The following NECAB1 variants were observed in gnomAD, a reference collection of about 807,000 sequenced individuals.
NECAB1 encodes N-terminal EF-hand calcium binding protein 1, also known as N-terminal EF-hand calcium-binding protein 1.
NECAB1 carries 29 observed loss-of-function variants against 57.5 expected under a neutral mutation model. The ratio of observed to expected loss-of-function variants is 0.50; its 90% CI spans 0.38 to 0.69. The LOEUF (loss-of-function observed/expected upper bound fraction) is 0.69. NECAB1 is among the 30% of genes least tolerant of loss of function. The probability of loss-of-function intolerance (pLI) is 0.00; values close to 1 mark genes in which losing one functional copy is unlikely to be tolerated. For missense variants in NECAB1, 372 were observed against 413.8 expected, an observed-to-expected ratio of 0.90 and a Z score of 0.88; for synonymous variants, 142 against 147.7, an observed-to-expected ratio of 0.96 and a Z score of 0.28.
At chr8:90,817,875 G>A (rs1812083903) in intron 2 of NECAB1, among the ~76,000 whole-genome samples, 1 of 151,748 alleles carries the variant, frequency 6.6e-6, no homozygotes, top group African/African-American at 2.4e-5. Flanking sequence ...AAAGATTATG[G>A]AGAATTGCTA....
intron 3 of NECAB1, among the ~76,000 whole-genome samples, chr8:90,846,461 G>A (rs7838907): frequency 5.9e-5 from 9 of 152,166 alleles, no homozygotes; most frequent in African/African-American, 1.4e-4. Flanking sequence ...CTTGATCTCT[G>A]TTTAGATAAA....
chr8:90,917,106 C>T (rs1028273337), intron 5 of NECAB1, among the ~76,000 whole-genome samples: 5 of 152,084 alleles, frequency 3.3e-5, no homozygotes, highest in African/African-American at 9.7e-5. Flanking sequence ...TATATGATGG[C>T]GTGGTCAACA....
chr8:90,930,855 A>G (rs1439614874), intron 8 of NECAB1, among the ~76,000 whole-genome samples: 1 of 152,228 alleles, frequency 6.6e-6, no homozygotes, highest in Non-Finnish European at 1.5e-5. Flanking sequence ...TTTGCAAACT[A>G]AAGCTTGTTA....
At chr8:90,845,407 C>G (rs1399192954) in intron 3 of NECAB1, among the ~76,000 whole-genome samples, 1 of 152,050 alleles carries the variant, frequency 6.6e-6, no homozygotes, top group African/African-American at 2.4e-5. Flanking sequence ...TTTAAAATAC[C>G]TAGCATGCAT....
rs1811742941 is a variant in NECAB1 at position 90,800,536 on chromosome 8, G to T, written c.100-1155G>T. On this transcript the variant is annotated intron_variant, in intron 1 of 12. Transcript: ENST00000417640. ...GTTCAGAGTTTTTATCATGAAGGAA[G>T]GTTGGATTTTATCAAAGTCTTTTCC... Among the ~76,000 whole-genome samples the T allele has an allele frequency of 2.0e-5, 3 of 152,138 alleles. No homozygotes were observed. The South Asian group carries it at 6.2e-4, about 32-fold the overall frequency.
chr8:90,794,974 A>G (rs754631797), intron 1 of NECAB1, among the ~76,000 whole-genome samples: 8 of 152,358 alleles, frequency 5.3e-5, no homozygotes. Flanking sequence ...GTGCCAAGGT[A>G]TGCCAGTGCA....
intron 2 of NECAB1, 104 bp downstream of exon 2, chr8:90,801,819 TAA>T (rs1811763500): frequency 1.3e-6 from 1 of 755,190 alleles, no homozygotes; most frequent in Non-Finnish European, 2.1e-6. Flanking sequence ...AAATTACATA[TAA>T]AATACTACCT....
At chr8:90,953,757 T>A (rs1810962701) in intron 12 of NECAB1, among the ~76,000 whole-genome samples, 1 of 152,092 alleles carries the variant, frequency 6.6e-6, no homozygotes, top group Admixed American at 6.6e-5. Flanking sequence ...TGTGTTATAA[T>A]GGTTATGAAG....
chr8:90,815,535 T>G (rs1311362975), intron 2 of NECAB1, among the ~76,000 whole-genome samples: 1 of 152,036 alleles, frequency 6.6e-6, no homozygotes, highest in Admixed American at 6.6e-5. Flanking sequence ...CCTCTGTTCT[T>G]GTCCTATTCA....
At chr8:90,950,498 TC>T (rs965541193) in intron 11 of NECAB1, among the ~76,000 whole-genome samples, 19 of 152,292 alleles carry the variant, frequency 1.2e-4, no homozygotes, top group Admixed American at 1.2e-3. Context: ...ATATAACAAT[TC>T]CTGACAGTTT....
intron 5 of NECAB1, among the ~76,000 whole-genome samples, chr8:90,896,769 C>T (rs538678203): frequency 1.9e-4 from 29 of 152,272 alleles, no homozygotes; most frequent in African/African-American, 6.5e-4. Context: ...TCCACCCTGA[C>T]TCATTCCGAT....
chr8:90,818,432 C>T (rs1269619653), intron 2 of NECAB1, among the ~76,000 whole-genome samples: 1 of 151,982 alleles, frequency 6.6e-6, no homozygotes. Context: ...CAATTCTGCT[C>T]ACAATTAATT....
intron 5 of NECAB1, among the ~76,000 whole-genome samples, chr8:90,896,431 C>G (rs1281536556): frequency 6.6e-6 from 1 of 151,858 alleles, no homozygotes; most frequent in Admixed American, 6.6e-5. Flanking sequence ...GGTGAAACCC[C>G]GTCTCTACTA....
intron 12 of NECAB1, among the ~76,000 whole-genome samples, chr8:90,951,838 G>A (rs893273360): frequency 4.6e-5 from 7 of 152,064 alleles, no homozygotes; most frequent in African/African-American, 1.4e-4. Context: ...TGGACTTGGA[G>A]AAGTGATTAC....
chr8:90,821,775 A>G lies in NECAB1; in HGVS notation c.125-2942A>G, dbSNP rs115392984. ...GTGTCATAATTATAAGATCCATAAAAGCTTGTCTACCTATGTTCTTAATAC... is the reference window on the plus strand; with the variant it reads ...GTGTCATAATTATAAGATCCATAAAGGCTTGTCTACCTATGTTCTTAATAC... On this transcript the variant is annotated intron_variant, in intron 2 of 12. Transcript: ENST00000417640. Among the ~76,000 whole-genome samples the G allele has an allele frequency of 3.8e-3, 572 of 151,910 alleles. 7 individuals carry two copies. Among genetic ancestry groups the G allele is most frequent in the African/African-American group, 0.012 (506 of 41,494 alleles).
Position 90,826,535 on chromosome 8 carries a change from C to T in NECAB1, c.233+1710C>T, listed in dbSNP as rs111593437. Among the ~76,000 whole-genome samples, 9 of 151,966 alleles carry T rather than the reference C, an allele frequency of 5.9e-5. 1 individual carries two copies. The highest frequency in any genetic ancestry group is 1.7e-4 in the African/African-American group (7 of 41,518). The stretch of plus-strand genomic sequence containing the variant: ...AATAAAAGAGCAGAGGCTCCCCTTG[C>T]GGCTTAGGTGTTGGACGTTGAGATG... On this transcript the variant is annotated intron_variant, in intron 3 of 12. Transcript: ENST00000417640.
chr8:90,813,174 C>G (rs1422056914), intron 2 of NECAB1: 1 of 149,894 alleles, frequency 6.7e-6, no homozygotes, highest in African/African-American at 2.5e-5. Context: ...GGCGAAAGAG[C>G]GAGACTCCGT....
intron 6 of NECAB1, among the ~76,000 whole-genome samples, chr8:90,921,562 T>C (rs986572002): frequency 1.9e-4 from 29 of 152,068 alleles, no homozygotes; most frequent in African/African-American, 6.3e-4. Flanking sequence ...CAATCCCAGC[T>C]ACTCTGGAGG....
intron 4 of NECAB1, among the ~76,000 whole-genome samples, chr8:90,876,416 A>C (rs1440373299): frequency 6.6e-6 from 1 of 152,002 alleles, no homozygotes; most frequent in Non-Finnish European, 1.5e-5. Flanking sequence ...CTAGTCTACT[A>C]CTTGAGAAAG....
Sources: allele counts gnomAD v4.1 joint callset (sites outside exome capture counted in the v4.1 genomes callset), GRCh38; gene constraint gnomAD v4.1.1; transcripts MANE v1.5; gene names NCBI Gene and HGNC (gene_info 2026-07-23, HGNC 2026-07-21).